The following ZBTB20 variants were observed in gnomAD, a reference collection of about 807,000 sequenced individuals.
ZBTB20 encodes zinc finger and BTB domain-containing protein 20.
ZBTB20 carries 9 observed loss-of-function variants against 56.9 expected under a neutral mutation model. The observed-to-expected ratio is 0.16, with a 90% CI of 0.10 to 0.28. The LOEUF (loss-of-function observed/expected upper bound fraction) is 0.28. ZBTB20 is among the 10% of genes least tolerant of loss of function. The probability of loss-of-function intolerance (pLI) is 1.00; values close to 1 mark genes in which losing one functional copy is unlikely to be tolerated. For synonymous variants in ZBTB20, 417 were observed against 420.7 expected, an observed-to-expected ratio of 0.99 and a Z score of 0.11; for missense variants, 655 against 1,003.0, an observed-to-expected ratio of 0.65 and a Z score of 4.69.
chr3:114,991,434 C>T (rs1034563444), intron 2 of ZBTB20, among the ~76,000 whole-genome samples: 32 of 151,970 alleles, frequency 2.1e-4, no homozygotes, highest in African/African-American at 1.9e-4. Context: ...TTCTTAATCC[C>T]GAGTTCTAGT....
chr3:114,679,792 C>A (rs892290284), intron 6 of ZBTB20, among the ~76,000 whole-genome samples: 3 of 152,076 alleles, frequency 2.0e-5, no homozygotes, highest in Non-Finnish European at 1.5e-5. Context: ...TGGGTATATA[C>A]CCAAAAAAAT....
At chr3:114,662,904 A>C (rs1560099733) in intron 6 of ZBTB20, among the ~76,000 whole-genome samples, 1 of 151,990 alleles carries the variant, frequency 6.6e-6, no homozygotes, top group Non-Finnish European at 1.5e-5. Context: ...AGTTTAATCT[A>C]CGTCTGATTG....
rs1270870010 is a variant in ZBTB20 at position 114,715,509 on chromosome 3, T to G, written c.-342-21934A>C. Reference sequence around the variant, plus strand: ...GTAGGCAGTAAGACCCAAGTCTGTCTCCCACATTTGCTACAATAACACTGA... The same window carrying G: ...GTAGGCAGTAAGACCCAAGTCTGTCGCCCACATTTGCTACAATAACACTGA... On this transcript the variant is annotated intron_variant, in intron 5 of 11. Coordinates refer to ENST00000675478, the MANE Select transcript of ZBTB20 (RefSeq NM_001348800.3). Among the ~76,000 whole-genome samples the G allele has an allele frequency of 5.9e-5, 9 of 152,198 alleles. No homozygotes were observed. The South Asian group carries it at 1.9e-3, about 31-fold the overall frequency.
chr3:115,062,779 T>C (rs532034977), intron 2 of ZBTB20, among the ~76,000 whole-genome samples: 1 of 152,266 alleles, frequency 6.6e-6, no homozygotes, highest in African/African-American at 2.4e-5. Flanking sequence ...TAGCTACAGA[T>C]GAATAGCTAA....
At chr3:114,383,525 G>A (rs2084658360) in intron 8 of ZBTB20, 1 of 152,176 alleles carries the variant, frequency 6.6e-6, no homozygotes, top group African/African-American at 2.4e-5. Flanking sequence ...TGATAGCACA[G>A]AGGCATTGGA....
intron 5 of ZBTB20, among the ~76,000 whole-genome samples, chr3:114,787,012 A>T (rs902367973): frequency 6.6e-6 from 1 of 151,884 alleles, no homozygotes; most frequent in Non-Finnish European, 1.5e-5. Flanking sequence ...ACAGGGTCTC[A>T]CTCTATTGCC....
intron 6 of ZBTB20, among the ~76,000 whole-genome samples, chr3:114,595,403 C>A (rs528567532): frequency 6.6e-6 from 1 of 152,214 alleles, no homozygotes; most frequent in South Asian, 2.1e-4. Context: ...TAATACTGTT[C>A]GTTAGACATT....
At chr3:114,741,184 C>T (rs541875197) in intron 5 of ZBTB20, among the ~76,000 whole-genome samples, 24 of 152,300 alleles carry the variant, frequency 1.6e-4, no homozygotes, top group Admixed American at 5.2e-4. Flanking sequence ...CTTCCTATCT[C>T]CATGCCAGGC....
At chr3:114,431,427 TAATTTTCCAGA>T (rs1179520822) in intron 7 of ZBTB20, among the ~76,000 whole-genome samples, 1 of 152,212 alleles carries the variant, frequency 6.6e-6, no homozygotes, top group Non-Finnish European at 1.5e-5. Flanking sequence ...AGAAATAATG[TAATTTTCCAGA>T]GCATGTTCAA....
At chr3:115,038,744 T>C in intron 2 of ZBTB20, among the ~76,000 whole-genome samples, 1 of 152,084 alleles carries the variant, frequency 6.6e-6, no homozygotes, top group East Asian at 1.9e-4. Context: ...TCAAAGGAAA[T>C]GTTAAAATTA....
rs1304454323 is a variant in ZBTB20 at position 114,336,703 on chromosome 3, A to G, written c.*2302T>C. The G allele has an allele frequency of 1.3e-5, 2 of 152,254 alleles. No homozygotes were observed. Among genetic ancestry groups the G allele is most frequent in the African/African-American group, 4.8e-5 (2 of 41,462 alleles). The allele number at this position is 152,254 out of a possible 1,614,324, so 9.4% of individuals were successfully genotyped here. A position where few individuals can be genotyped will look rare whatever the true frequency, so the allele number is the denominator to read the frequency against. On this transcript the variant is annotated 3_prime_UTR_variant, in exon 12 of 12. Coordinates refer to ENST00000675478, the MANE Select transcript of ZBTB20 (RefSeq NM_001348800.3). ...TCATTACAGAGTTGTTTGTGTTGGA[A>G]GATTTTCCCTCGTTTGCTGCACAGT...
chr3:114,669,116 C>G (rs1219628002), intron 6 of ZBTB20, among the ~76,000 whole-genome samples: 1 of 152,024 alleles, frequency 6.6e-6, no homozygotes, highest in African/African-American at 2.4e-5. Context: ...CATCTGGAGA[C>G]AATTTTGATA....
chr3:114,603,542 A>G (rs2056919393), intron 6 of ZBTB20, among the ~76,000 whole-genome samples: 1 of 151,996 alleles, frequency 6.6e-6, no homozygotes, highest in Admixed American at 6.6e-5. Flanking sequence ...TAGAAGCTAC[A>G]TAGAAAAGAT....
At chr3:114,603,639 G>A (rs2107643747) in intron 6 of ZBTB20, among the ~76,000 whole-genome samples, 1 of 151,844 alleles carries the variant, frequency 6.6e-6, no homozygotes, top group South Asian at 2.1e-4. Context: ...AACTTATGCA[G>A]CTCACATAGA....
chr3:114,316,320 GT>G lies in ZBTB20; in HGVS notation c.*22684del. The G allele has an allele frequency of 2.5e-6, 1 of 392,514 alleles. No homozygotes were observed. Among genetic ancestry groups the G allele is most frequent in the Non-Finnish European group, 4.9e-6 (1 of 205,524 alleles). 24.3% of individuals were successfully genotyped at this position (392,514 alleles called of 1,614,324 possible). On this transcript the variant is annotated 3_prime_UTR_variant, in exon 12 of 12. Transcript: ENST00000675478. ...TTATGAACATACAGAAATGACCAAA[GT>G]CACTGCAAGTAGCTGTTTTTATTTT...
At chr3:114,878,553 AC>A (rs959833657) in intron 4 of ZBTB20, among the ~76,000 whole-genome samples, 2 of 144,982 alleles carry the variant, frequency 1.4e-5, no homozygotes, top group African/African-American at 5.1e-5. Context: ...AAGTCTCCAA[AC>A]CTGCATGACT....
Position 114,541,093 on chromosome 3 carries a change from C to T in ZBTB20, c.-294-40702G>A, listed in dbSNP as rs1012990805. Among the ~76,000 whole-genome samples, 3 of 152,126 alleles carry T rather than the reference C, an allele frequency of 2.0e-5. 1 individual carries two copies. Among genetic ancestry groups the T allele is most frequent in the Middle Eastern group, 6.8e-3 (2 of 294 alleles). On this transcript the variant is annotated intron_variant, in intron 6 of 11. Transcript: ENST00000675478. ...CAGATTTAATATTAATCTCTAGAAT[C>T]CCAGATTTACTTCTTGTCCAGGTTA...
Position 114,315,834 on chromosome 3 carries a change from C to A in ZBTB20, c.*23171G>T, listed in dbSNP as rs543032218. The A allele has an allele frequency of 3.3e-5, 5 of 153,388 alleles. No individual in the cohort carries two copies. Among genetic ancestry groups the A allele is most frequent in the South Asian group, 2.1e-4 (1 of 4,858 alleles). The allele number at this position is 153,388 out of a possible 1,614,324, so 9.5% of individuals were successfully genotyped here. On this transcript the variant is annotated 3_prime_UTR_variant, in exon 12 of 12. Transcript: ENST00000675478. The stretch of plus-strand genomic sequence containing the variant: ...TGCACATGTATATGTTAACAGCTAG[C>A]CATTCAGCCAACAGGTAACAGAAAG...
chr3:114,802,684 A>C (rs1477542698), intron 4 of ZBTB20, among the ~76,000 whole-genome samples: 2 of 151,934 alleles, frequency 1.3e-5, no homozygotes, highest in Admixed American at 1.3e-4. Flanking sequence ...ACTTGTGCTC[A>C]GAAATTATGA....
Sources: gnomAD v4.1 joint callset for allele counts (sites outside exome capture counted in the v4.1 genomes callset) on GRCh38, gnomAD v4.1.1 for gene constraint, MANE v1.5 for transcripts, NCBI Gene and HGNC (gene_info 2026-07-23, HGNC 2026-07-21) for gene names.